The following ZFHX3 variants were observed in gnomAD, a reference collection of about 807,000 sequenced individuals.
ZFHX3 encodes zinc finger homeobox protein 3.
Under a neutral mutation model 279.1 loss-of-function variants are expected in ZFHX3, and 42 were observed. The ratio of observed to expected loss-of-function variants is 0.15; its 90% CI spans 0.12 to 0.19. The LOEUF (loss-of-function observed/expected upper bound fraction) is 0.19. ZFHX3 is among the 10% of genes least tolerant of loss of function. The pLI, the probability that ZFHX3 is intolerant of heterozygous loss-of-function variation, is 1.00. For synonymous variants in ZFHX3, 2,293 were observed against 1,957.8 expected, an observed-to-expected ratio of 1.17 and a Z score of -4.52; for missense variants, 4,981 against 4,754.0, an observed-to-expected ratio of 1.05 and a Z score of -1.40.
intron 3 of ZFHX3, among the ~76,000 whole-genome samples, chr16:72,893,972 A>G (rs542041364): frequency 5.3e-5 from 8 of 152,218 alleles, no homozygotes; most frequent in Admixed American, 5.2e-4. Flanking sequence ...CAACATGATG[A>G]AACCCCGTCT....
At chr16:73,214,672 T>C (rs2012137151) in intron 5 of ZFHX3, among the ~76,000 whole-genome samples, 1 of 152,094 alleles carries the variant, frequency 6.6e-6, no homozygotes, top group African/African-American at 2.4e-5. Context: ...GTTTCAGTTA[T>C]GATACACCTG....
At chr16:72,845,568 C>T (rs907679552) in intron 4 of ZFHX3, among the ~76,000 whole-genome samples, 2 of 152,172 alleles carry the variant, frequency 1.3e-5, no homozygotes, top group Non-Finnish European at 2.9e-5. Context: ...CTCTGTGTCA[C>T]GGCACCCCCG....
intron 2 of ZFHX3, among the ~76,000 whole-genome samples, chr16:73,457,766 C>G (rs1392113484): frequency 6.6e-6 from 1 of 152,024 alleles, no homozygotes; most frequent in Non-Finnish European, 1.5e-5. Context: ...CAGAGCGAGA[C>G]TCCGTCTCAA....
At chr16:73,112,761 T>C (rs973669954) in intron 7 of ZFHX3, among the ~76,000 whole-genome samples, 1 of 88,506 alleles carries the variant, frequency 1.1e-5, no homozygotes. Flanking sequence ...TTTCCCCCAG[T>C]AGACTGAGAA....
chr16:73,380,231 A>G (rs2016797226), intron 3 of ZFHX3, among the ~76,000 whole-genome samples: 1 of 152,220 alleles, frequency 6.6e-6, no homozygotes, highest in Non-Finnish European at 1.5e-5. Context: ...AGTTAAGTAT[A>G]TAAGGGAAAA....
intron 5 of ZFHX3, among the ~76,000 whole-genome samples, chr16:72,819,383 G>A (rs576541402): frequency 7.2e-5 from 11 of 152,146 alleles, no homozygotes; most frequent in Non-Finnish European, 1.3e-4. Flanking sequence ...AAAACCTCAC[G>A]CTTGTCACTG....
chr16:72,847,594 G>A (rs2037511671), intron 4 of ZFHX3, among the ~76,000 whole-genome samples: 1 of 152,180 alleles, frequency 6.6e-6, no homozygotes, highest in Non-Finnish European at 1.5e-5. Context: ...CAAGGGAAAA[G>A]AGGGGATGGA....
chr16:73,436,654 T>C (rs9924127), intron 3 of ZFHX3, among the ~76,000 whole-genome samples: 4,674 of 152,038 alleles, frequency 0.031, 242 homozygotes, highest in African/African-American at 0.11. Flanking sequence ...ACCAGGGTTA[T>C]CAAGAAGCCA....
intron 1 of ZFHX3, among the ~76,000 whole-genome samples, chr16:73,017,903 T>A (rs998149083): frequency 7.9e-5 from 12 of 152,156 alleles, no homozygotes; most frequent in African/African-American, 1.9e-4. Flanking sequence ...ACTTTTACTC[T>A]CTCCTCTTCA....
Position 72,958,672 on chromosome 16 carries a change from T to G in ZFHX3, c.1474A>C (p.Lys492Gln). The change falls in exon 2 of 10, where the codon AAA becomes CAA. Residue 492 changes from lysine to glutamine, a missense_variant. Physicochemically the swap from Lys to Gln is moderately conservative, Grantham distance 53 (BLOSUM62 1). Coordinates refer to ENST00000268489, the MANE Select transcript of ZFHX3 (RefSeq NM_006885.4). ...EEEEEEDEGC[K>Q]GLFPSELDEE... Reference sequence around the variant, plus strand: ...TCCAACTCGCTTGGAAAGAGTCCTTTGCAACCCTCGTCTTCCTCCTCCTCT... The same window carrying G: ...TCCAACTCGCTTGGAAAGAGTCCTTGGCAACCCTCGTCTTCCTCCTCCTCT... 1 of 1,612,706 alleles carries G rather than the reference T, an allele frequency of 6.2e-7. No individual in the cohort carries two copies. Among genetic ancestry groups the G allele is most frequent in the African/African-American group, 1.3e-5 (1 of 74,926 alleles).
chr16:73,110,926 A>G (rs556873516), intron 7 of ZFHX3, among the ~76,000 whole-genome samples: 67 of 152,066 alleles, frequency 4.4e-4, no homozygotes, highest in African/African-American at 1.5e-3. Flanking sequence ...GTAAGGATGC[A>G]TTTTATGATT....
chr16:73,335,580 A>G (rs2015896582), intron 3 of ZFHX3, among the ~76,000 whole-genome samples: 1 of 152,208 alleles, frequency 6.6e-6, no homozygotes, highest in Non-Finnish European at 1.5e-5. Context: ...GTTCGTTGCC[A>G]ATGAAGATTC....
chr16:72,853,517 G>A (rs1243699539), intron 4 of ZFHX3, among the ~76,000 whole-genome samples: 7 of 152,200 alleles, frequency 4.6e-5, no homozygotes, highest in Admixed American at 3.9e-4. Flanking sequence ...ACTGGAGATC[G>A]ATGCTGCATT....
chr16:73,660,984 ATCTAC>A (rs1315932014), intron 2 of ZFHX3, among the ~76,000 whole-genome samples: 1 of 152,184 alleles, frequency 6.6e-6, no homozygotes, highest in Non-Finnish European at 1.5e-5. Context: ...GCATACCCAT[ATCTAC>A]TCCAATGATT....
chr16:72,793,620 C>T lies in ZFHX3; in HGVS notation c.9062G>A (p.Gly3021Glu), dbSNP rs749509368. Residue 3021 changes from glycine (G) to glutamate (E), a missense_variant, in exon 9 of 10, where the codon GGA becomes GAA. This residue lies in a region of ZFHX3 where 168 missense variants were observed against 249.1 expected (regional missense o/e 0.67). Transcript: ENST00000268489. The surrounding 1 kb of genome is among the most constrained non-coding windows in gnomAD (Gnocchi z 4.3). The part of the protein sequence containing the change: ...HFGINQTSYE[G>E]PKTECTLCGI... ...ACACAAAGTGCACTCTGTTTTGGGT[C>T]CCTCATAACTCGTTTGGTTTATACC... 1.9e-6 allele frequency: 3 copies of T among 1,614,096 alleles called. No individual in the cohort carries two copies. The highest frequency in any genetic ancestry group is 2.5e-6 in the Non-Finnish European group (3 of 1,180,016).
At chr16:72,985,712 C>CA (rs531083747) in intron 1 of ZFHX3, among the ~76,000 whole-genome samples, 42 of 152,260 alleles carry the variant, frequency 2.8e-4, no homozygotes, top group Non-Finnish European at 4.4e-4. Context: ...TGGACGCTCT[C>CA]AGATACAAGC....
At chr16:73,375,508 C>A (rs1194378986) in intron 3 of ZFHX3, among the ~76,000 whole-genome samples, 1 of 151,936 alleles carries the variant, frequency 6.6e-6, no homozygotes, top group East Asian at 1.9e-4. Context: ...GTGAACACAG[C>A]AAAAATTGTA....
In ZFHX3 at chr16:72,950,895, C is replaced by T. The variant is rs765258933; in HGVS notation, c.2790G>A (p.Leu930=). The T allele has an allele frequency of 6.2e-7, 1 of 1,614,044 alleles. No homozygotes were observed. The highest frequency in any genetic ancestry group is 8.5e-7 in the Non-Finnish European group (1 of 1,180,044). The part of the protein sequence containing the change: ...GQLVSEELMN[L]GESFIQTNDP... The stretch of plus-strand genomic sequence containing the variant: ...CGTTGGTCTGGATGAAGCTCTCGCC[C>T]AGGTTCATCAGCTCCTCTGACACCA... Residue 930 remains leucine (L), a synonymous_variant, in exon 3 of 10, where the codon CTG becomes CTA. Transcript: ENST00000268489.
chr16:73,285,512 T>A (rs1003020660), intron 4 of ZFHX3, among the ~76,000 whole-genome samples: 2 of 152,206 alleles, frequency 1.3e-5, no homozygotes, highest in African/African-American at 4.8e-5. Context: ...CTCTGTGGGG[T>A]GTGTCAGGAC....
Sources: allele counts gnomAD v4.1 joint callset (sites outside exome capture counted in the v4.1 genomes callset), GRCh38; gene constraint gnomAD v4.1.1; regional missense constraint gnomAD v4.1.1; non-coding constraint Gnocchi (gnomAD v3.1); transcripts MANE v1.5; gene names NCBI Gene and HGNC (gene_info 2026-07-23, HGNC 2026-07-21).